The following MGAT5 variants were observed in gnomAD, a reference collection of about 807,000 sequenced individuals.
MGAT5 encodes the protein alpha-1,6-mannosylglycoprotein 6-beta-N-acetylglucosaminyltransferase A.
MGAT5 carries 30 observed loss-of-function variants against 94.3 expected under a neutral mutation model. That is an observed-to-expected ratio of 0.32 (90% CI 0.24 to 0.43). The LOEUF (loss-of-function observed/expected upper bound fraction) is 0.43. Among genes scored for constraint, MGAT5 ranks in the 20% least tolerant of loss-of-function variants. The pLI is 1.00. For missense variants in MGAT5, 691 were observed against 905.5 expected, an observed-to-expected ratio of 0.76 and a Z score of 3.04; for synonymous variants, 310 against 322.9, an observed-to-expected ratio of 0.96 and a Z score of 0.43.
At chr2:134,316,583 G>T (rs77863845) in intron 2 of MGAT5, among the ~76,000 whole-genome samples, 1 of 151,626 alleles carries the variant, frequency 6.6e-6, no homozygotes, top group Non-Finnish European at 1.5e-5. Flanking sequence ...TTTTTAAATC[G>T]ACATAATTAC....
intron 2 of MGAT5, among the ~76,000 whole-genome samples, chr2:134,297,754 ATTT>A (rs887254873): frequency 6.6e-6 from 1 of 150,506 alleles, no homozygotes; most frequent in Non-Finnish European, 1.5e-5. Flanking sequence ...GAACTGTTTA[ATTT>A]TTTTTTTCTC....
chr2:134,226,245 C>T (rs1179691094), intron 1 of MGAT5, among the ~76,000 whole-genome samples: 1 of 152,192 alleles, frequency 6.6e-6, no homozygotes, highest in African/African-American at 2.4e-5. Flanking sequence ...GTAGAATTAA[C>T]CCTAATTGAA....
chr2:134,216,503 T>C lies in MGAT5; in HGVS notation c.-142-37759T>C, dbSNP rs75706403. Among the ~76,000 whole-genome samples the C allele has an allele frequency of 2.7e-3, 415 of 152,328 alleles. 1 individual carries two copies. Among genetic ancestry groups the C allele is most frequent in the African/African-American group, 4.7e-3 (197 of 41,570 alleles). On this transcript the variant is annotated intron_variant, in intron 1 of 16. Coordinates refer to the MGAT5 transcript ENST00000409645. Reference sequence around the variant, plus strand: ...ACCATGGAGTCCAGGTTTTTCTGTTTGTTGAGGCAATTTCAGGATCTACAG... The same window carrying C: ...ACCATGGAGTCCAGGTTTTTCTGTTCGTTGAGGCAATTTCAGGATCTACAG...
At chr2:134,227,663 A>C (rs1406856512) in intron 1 of MGAT5, among the ~76,000 whole-genome samples, 2 of 152,128 alleles carry the variant, frequency 1.3e-5, no homozygotes, top group African/African-American at 4.8e-5. Flanking sequence ...TGACCTTGGG[A>C]GGGAAAACTT....
At chr2:134,410,930 C>T (rs1261469517) in intron 11 of MGAT5, among the ~76,000 whole-genome samples, 3 of 152,192 alleles carry the variant, frequency 2.0e-5, no homozygotes, top group Non-Finnish European at 2.9e-5. Context: ...TTATGCCCAA[C>T]CACGGCCTGA....
At chr2:134,340,338 A>T (rs908866951) in intron 6 of MGAT5, among the ~76,000 whole-genome samples, 4 of 152,296 alleles carry the variant, frequency 2.6e-5, no homozygotes, top group Admixed American at 2.6e-4. Context: ...CTTGTCAGGC[A>T]CATCTGTCTA....
At chr2:134,375,601 G>A (rs1309494004) in intron 10 of MGAT5, among the ~76,000 whole-genome samples, 1 of 152,234 alleles carries the variant, frequency 6.6e-6, no homozygotes, top group African/African-American at 2.4e-5. Flanking sequence ...GAACTTACTT[G>A]CGTATCAGGA....
chr2:134,239,727 C>T (rs916352958), intron 1 of MGAT5, among the ~76,000 whole-genome samples: 1 of 151,502 alleles, frequency 6.6e-6, no homozygotes, highest in East Asian at 1.9e-4. Flanking sequence ...CTAGGGGGGC[C>T]GGTATTCTGC....
chr2:134,199,360 C>T (rs1679657752), intron 1 of MGAT5, among the ~76,000 whole-genome samples: 1 of 152,106 alleles, frequency 6.6e-6, no homozygotes. Context: ...GGAGGGAGTC[C>T]TGGCAGAGGG....
chr2:134,326,578 A>G (rs1464501462), intron 4 of MGAT5, among the ~76,000 whole-genome samples: 2 of 152,084 alleles, frequency 1.3e-5, no homozygotes, highest in Admixed American at 6.6e-5. Context: ...CTTAGGGGCC[A>G]CAACCTGAGT....
At chr2:134,133,960 C>A (rs1221716107) in intron 1 of MGAT5, among the ~76,000 whole-genome samples, 1 of 152,176 alleles carries the variant, frequency 6.6e-6, no homozygotes, top group Admixed American at 6.5e-5. Context: ...TGTCAGAGAT[C>A]CTGTCTATAG....
At chr2:134,180,843 T>C (rs1688701570) in intron 1 of MGAT5, among the ~76,000 whole-genome samples, 1 of 152,202 alleles carries the variant, frequency 6.6e-6, no homozygotes, top group South Asian at 2.1e-4. Flanking sequence ...GAAAATCTTT[T>C]ATAGGGTGGA....
At chr2:134,321,759 C>T (rs1428345587) in intron 4 of MGAT5, among the ~76,000 whole-genome samples, 7 of 152,112 alleles carry the variant, frequency 4.6e-5, no homozygotes, top group Non-Finnish European at 8.8e-5. Flanking sequence ...AATTCATTGT[C>T]AACAATTAAT....
chr2:134,438,696 A>G (rs948154294), intron 14 of MGAT5, among the ~76,000 whole-genome samples: 14 of 152,090 alleles, frequency 9.2e-5, no homozygotes, highest in Admixed American at 8.5e-4. Flanking sequence ...CTGGATTGTG[A>G]TGAAAATCAC....
chr2:134,267,464 G>T (rs770552481), intron 1 of MGAT5, among the ~76,000 whole-genome samples: 10 of 152,170 alleles, frequency 6.6e-5, no homozygotes, highest in Non-Finnish European at 1.0e-4. Flanking sequence ...TTATATTGGG[G>T]TGGCCGTGGT....
At chr2:134,171,684 T>A (rs554851827) in intron 1 of MGAT5, among the ~76,000 whole-genome samples, 1 of 152,304 alleles carries the variant, frequency 6.6e-6, no homozygotes, top group African/African-American at 2.4e-5. Flanking sequence ...CTGTTTGCAA[T>A]GGATCAAGTC....
intron 1 of MGAT5, among the ~76,000 whole-genome samples, chr2:134,132,059 G>T (rs1479638144): frequency 6.6e-6 from 1 of 152,206 alleles, no homozygotes; most frequent in Non-Finnish European, 1.5e-5. Flanking sequence ...CACTGAGTTT[G>T]GGGTAAGTTT....
intron 1 of MGAT5, among the ~76,000 whole-genome samples, chr2:134,171,345 T>C (rs1286562955): frequency 6.6e-6 from 1 of 152,222 alleles, no homozygotes; most frequent in Non-Finnish European, 1.5e-5. Context: ...TATTTGGGAC[T>C]GTGTGTATAT....
intron 8 of MGAT5, 97 bp from the exon 9 acceptor site, chr2:134,349,708 C>T (rs1444183299): frequency 1.5e-6 from 2 of 1,341,068 alleles, no homozygotes; most frequent in African/African-American, 2.9e-5. Context: ...AAAGGATTTA[C>T]CTATTTTTAG....
Sources: gnomAD v4.1 joint callset for allele counts (sites outside exome capture counted in the v4.1 genomes callset) on GRCh38, gnomAD v4.1.1 for gene constraint, MANE v1.5 for transcripts, NCBI Gene and HGNC (gene_info 2026-07-23, HGNC 2026-07-21) for gene names.